Variants in OTUD6B observed in about 807,000 individuals in gnomAD.
OTUD6B encodes deubiquitinase OTUD6B.
Under a neutral mutation model 36.9 loss-of-function variants are expected in OTUD6B, and 41 were observed. The ratio of observed to expected loss-of-function variants is 1.11; its 90% CI spans 0.87 to 1.44. The LOEUF is 1.44. OTUD6B is among the 40% of genes most tolerant of loss of function. The pLI, the probability that OTUD6B is intolerant of heterozygous loss-of-function variation, is 0.00. For missense variants in OTUD6B, 356 were observed against 344.8 expected, an observed-to-expected ratio of 1.03 and a Z score of -0.26; for synonymous variants, 114 against 114.2, an observed-to-expected ratio of 1.00 and a Z score of 0.01.
At chr8:91,078,910 T>A (rs1812850622) in intron 4 of OTUD6B, 1 of 324,162 alleles carries the variant, frequency 3.1e-6, no homozygotes, top group African/African-American at 2.2e-5. Flanking sequence ...TTATGTAAGA[T>A]AGAAGTAGGA....
chr8:91,084,459 G>A (rs1812968976), intron 6 of OTUD6B, among the ~76,000 whole-genome samples: 1 of 152,082 alleles, frequency 6.6e-6, no homozygotes, highest in South Asian at 2.1e-4. Flanking sequence ...AATACAGCAT[G>A]CAGGGTTTGC....
Position 91,076,588 on chromosome 8 carries a change from T to C in OTUD6B, c.316-1768T>C. The C allele has an allele frequency of 2.0e-6, 3 of 1,530,584 alleles. 1 individual carries two copies. In the South Asian group the frequency reaches 3.6e-5, roughly 18 times the overall value. 94.8% of individuals were successfully genotyped at this position (1,530,584 alleles called of 1,614,324 possible). On this transcript the variant is annotated intron_variant, in intron 3 of 6. Coordinates refer to ENST00000404789, the MANE Select transcript of OTUD6B (RefSeq NM_016023.5). ...CATCTGCTCCAACTTTTATTCTGAT[T>C]CAGGTGCCTGGATAGAAGGAGCTCT... is the stretch of plus-strand genomic sequence containing the variant.
chr8:91,076,056 G>A (rs1283770580), intron 3 of OTUD6B, among the ~76,000 whole-genome samples: 1 of 152,018 alleles, frequency 6.6e-6, no homozygotes, highest in East Asian at 1.9e-4. Flanking sequence ...GGAATTTGAG[G>A]GCTGGAATGA....
intron 4 of OTUD6B, among the ~76,000 whole-genome samples, chr8:91,079,862 G>T (rs1812867534): frequency 6.6e-6 from 1 of 152,150 alleles, no homozygotes; most frequent in Non-Finnish European, 1.5e-5. Context: ...TTAATTGAAG[G>T]CCGCTGTGTG....
chr8:91,077,174 T>C (rs1396268852), intron 3 of OTUD6B, among the ~76,000 whole-genome samples: 1 of 151,914 alleles, frequency 6.6e-6, no homozygotes, highest in Non-Finnish European at 1.5e-5. Flanking sequence ...CAGTTTCCGC[T>C]TGAGTGTACA....
At chr8:91,084,186 TTATATGTGTTAAAA>T (rs1263196082) in intron 6 of OTUD6B, 72 bp downstream of exon 6, 1 of 868,202 alleles carries the variant, frequency 1.2e-6, no homozygotes, top group African/African-American at 1.7e-5. Context: ...AAAATTTAGA[TTATATGTGTTAAAA>T]TATGTGACTT....
rs778561489 is a variant in OTUD6B at position 91,071,232 on chromosome 8, G to A, written c.177G>A (p.Met59Ile). The change falls in exon 2 of 7, where the codon ATG becomes ATA. Residue 59 changes from methionine to isoleucine, a missense_variant. Coordinates refer to ENST00000404789, the MANE Select transcript of OTUD6B (RefSeq NM_016023.5). The stretch of plus-strand genomic sequence containing the variant: ...ATGTGGCCAAGTTGGAAAAAGAAAT[G>A]GAACAGAAACATAGAGAGGAACTGG... ...TEDVAKLEKE[M>I]EQKHREELEQ... 4.3e-6 allele frequency: 7 copies of A among 1,613,802 alleles called. No individual in the cohort carries two copies. The highest frequency in any genetic ancestry group is 5.1e-6 in the Non-Finnish European group (6 of 1,179,786).
At chr8:91,074,422 A>T (rs1217803387) in intron 3 of OTUD6B, among the ~76,000 whole-genome samples, 1 of 152,172 alleles carries the variant, frequency 6.6e-6, no homozygotes, top group Non-Finnish European at 1.5e-5. Flanking sequence ...GTAGGTATCT[A>T]TATAATGGTT....
chr8:91,083,420 A>C (rs1812946101), intron 5 of OTUD6B, among the ~76,000 whole-genome samples: 1 of 152,102 alleles, frequency 6.6e-6, no homozygotes, highest in Non-Finnish European at 1.5e-5. Flanking sequence ...CTCTTCATTA[A>C]CTGTGGCATT....
chr8:91,076,469 A>T, intron 3 of OTUD6B: 1 of 1,469,018 alleles, frequency 6.8e-7, no homozygotes, highest in Non-Finnish European at 9.0e-7. Flanking sequence ...TGAAATGATT[A>T]GAATTAGTAT....
At chr8:91,077,015 C>A (rs544791323) in intron 3 of OTUD6B, among the ~76,000 whole-genome samples, 3 of 152,106 alleles carry the variant, frequency 2.0e-5, no homozygotes, top group African/African-American at 7.2e-5. Context: ...TTGAAACTTG[C>A]CTTCCCATTC....
chr8:91,082,385 C>G (rs1381894075), intron 5 of OTUD6B, among the ~76,000 whole-genome samples: 2 of 151,852 alleles, frequency 1.3e-5, no homozygotes, highest in Non-Finnish European at 2.9e-5. Context: ...ATGATTTTTA[C>G]TTTCTTTTTG....
rs996818726 is a variant in OTUD6B, at chr8:91,071,167, C to G, written c.112C>G (p.Pro38Ala). 12 of 1,613,204 alleles carry G rather than the reference C, an allele frequency of 7.4e-6. No homozygotes were observed. The Admixed American group carries it at 8.3e-5, about 11-fold the overall frequency. ...AKIQGMKNAV[P>A]KNDKKRRKQL... is the part of the protein sequence containing the mutation. Reference sequence around the variant, plus strand: ...AATTCAGGGCATGAAGAATGCTGTTCCCAAGAATGACAAGAAGAGGAGGAA... The same window carrying G: ...AATTCAGGGCATGAAGAATGCTGTTGCCAAGAATGACAAGAAGAGGAGGAA... Residue 38 changes from proline to alanine, a missense_variant, in exon 2 of 7, where the codon CCC (proline) becomes GCC (alanine). Coordinates refer to ENST00000404789, the MANE Select transcript of OTUD6B (RefSeq NM_016023.5).
intron 4 of OTUD6B, 67 bp downstream of exon 4, chr8:91,078,735 C>T: frequency 9.1e-7 from 1 of 1,094,324 alleles, no homozygotes; most frequent in Non-Finnish European, 1.3e-6. Flanking sequence ...TAAGGTGCTT[C>T]CCAGCACTGA....
chr8:91,071,728 A>T, intron 2 of OTUD6B, among the ~76,000 whole-genome samples: 1 of 152,204 alleles, frequency 6.6e-6, no homozygotes, highest in East Asian at 1.9e-4. Context: ...ATCACTTCTC[A>T]TTAATGTTTT....
rs1812958752 is a variant in OTUD6B at position 91,084,045 on chromosome 8, A to C, written c.728A>C (p.Glu243Ala). ...TCTCACATTTTACAAACACCAATAG[A>C]GATAATACAGGCAGATTCTCCTCCC... ...ALSHILQTPI[E>A]IIQADSPPII... The change falls in exon 6 of 7, where the codon GAG (glutamate) becomes GCG (alanine). Residue 243 changes from glutamate to alanine, a missense_variant. Coordinates refer to ENST00000404789, the MANE Select transcript of OTUD6B (RefSeq NM_016023.5). The C allele has an allele frequency of 3.2e-6, 5 of 1,581,068 alleles. No homozygotes were observed. Among genetic ancestry groups the C allele is most frequent in the East Asian group, 4.5e-5 (2 of 43,964 alleles).
intron 3 of OTUD6B, chr8:91,076,679 G>A: frequency 7.1e-7 from 1 of 1,416,338 alleles, no homozygotes; most frequent in Non-Finnish European, 9.6e-7. Flanking sequence ...CTTTCTGCGT[G>A]CTGTTTCCTC....
chr8:91,075,332 A>G (rs566804131), intron 3 of OTUD6B, among the ~76,000 whole-genome samples: 1 of 152,182 alleles, frequency 6.6e-6, no homozygotes, highest in South Asian at 2.1e-4. Flanking sequence ...CTATAGATCA[A>G]AAAGGAAGGG....
In OTUD6B at chr8:91,070,525, C is replaced by T. The variant is rs3808378; in HGVS notation, c.82+59C>T. 873,366 of 1,507,342 alleles carry T rather than the reference C, an allele frequency of 0.58. 258,797 individuals carry two copies. Among genetic ancestry groups the T allele is most frequent in the South Asian group, 0.65 (53,808 of 82,404 alleles). 93.4% of individuals were successfully genotyped at this position (1,507,342 alleles called of 1,614,324 possible). Reference sequence around the variant, plus strand: ...CCGCGACTGGGGGAAGGGCGCGTGGCGGGTCGATTCTGGGGAATCTCAAGG... The same window carrying T: ...CCGCGACTGGGGGAAGGGCGCGTGGTGGGTCGATTCTGGGGAATCTCAAGG... On this transcript the variant is annotated intron_variant, in intron 1 of 6. Transcript: ENST00000404789.
Sources: gnomAD v4.1 joint callset for allele counts (sites outside exome capture counted in the v4.1 genomes callset) on GRCh38, gnomAD v4.1.1 for gene constraint, MANE v1.5 for transcripts, NCBI Gene and HGNC (gene_info 2026-07-23, HGNC 2026-07-21) for gene names.